Variants in KANSL1L observed in about 807,000 individuals in gnomAD.
KANSL1L encodes the protein KAT8 regulatory NSL complex subunit 1 like.
Under a neutral mutation model 108.6 loss-of-function variants are expected in KANSL1L, and 25 were observed. The ratio of observed to expected loss-of-function variants is 0.23; its 90% confidence interval spans 0.17 to 0.32. The LOEUF (loss-of-function observed/expected upper bound fraction) is 0.32. KANSL1L is among the 10% of genes least tolerant of loss of function. The probability of loss-of-function intolerance (pLI) is 1.00; values close to 1 mark genes in which losing one functional copy is unlikely to be tolerated. For synonymous variants in KANSL1L, 405 were observed against 395.1 expected, an observed-to-expected ratio of 1.03 and a Z score of -0.30; for missense variants, 1,137 against 1,125.7, an observed-to-expected ratio of 1.01 and a Z score of -0.14.
intron 12 of KANSL1L, among the ~76,000 whole-genome samples, chr2:210,026,748 TAAAC>T (rs755443121): frequency 6.6e-6 from 1 of 152,176 alleles, no homozygotes. Context: ...CAAAAACTCA[TAAAC>T]AAATGCTATA....
chr2:210,138,098 G>A (rs2095191123), intron 2 of KANSL1L, among the ~76,000 whole-genome samples: 1 of 151,860 alleles, frequency 6.6e-6, no homozygotes, highest in Non-Finnish European at 1.5e-5. Flanking sequence ...ATAAAAATGT[G>A]CATTTTGGAA....
chr2:210,037,045 C>T (rs956553085), intron 8 of KANSL1L, among the ~76,000 whole-genome samples: 23 of 152,140 alleles, frequency 1.5e-4, no homozygotes, highest in Admixed American at 1.2e-3. Context: ...TGTGGGCCAC[C>T]GCACCTGACC....
chr2:210,167,132 C>A (rs1688033497), intron 1 of KANSL1L, among the ~76,000 whole-genome samples: 1 of 151,868 alleles, frequency 6.6e-6, no homozygotes, highest in Non-Finnish European at 1.5e-5. Flanking sequence ...CACACTGGTA[C>A]AGTTTTATTC....
intron 6 of KANSL1L, among the ~76,000 whole-genome samples, chr2:210,056,581 A>G (rs1408200257): frequency 6.6e-6 from 1 of 152,058 alleles, no homozygotes; most frequent in African/African-American, 2.4e-5. Flanking sequence ...CCCTGGTTCA[A>G]GCAATTCTTG....
intron 5 of KANSL1L, among the ~76,000 whole-genome samples, chr2:210,082,281 T>A (rs561583715): frequency 6.6e-6 from 1 of 152,342 alleles, no homozygotes; most frequent in African/African-American, 2.4e-5. Flanking sequence ...TACAACATGA[T>A]AGATGACTGC....
Position 210,085,841 on chromosome 2 carries a change from T to C in KANSL1L, c.1551-10085A>G, listed in dbSNP as rs572268023. On this transcript the variant is annotated intron_variant, in intron 5 of 14. Coordinates refer to ENST00000281772, the MANE Select transcript of KANSL1L (RefSeq NM_152519.4). ...CACAATTTATTAATATATTCACTTA[T>C]ATAATATTAGGTTTTAGGCTTATAT... Among the ~76,000 whole-genome samples, 244 of 150,904 alleles carry C rather than the reference T, an allele frequency of 1.6e-3. 4 individuals carry two copies. In the Middle Eastern group the frequency reaches 0.025, roughly 15 times the overall value.
At chr2:210,104,956 TG>T (rs2094831663) in intron 3 of KANSL1L, among the ~76,000 whole-genome samples, 2 of 152,100 alleles carry the variant, frequency 1.3e-5, no homozygotes, top group African/African-American at 4.8e-5. Context: ...TATTCTGAAA[TG>T]TAAGGAACTG....
chr2:210,023,212 ACT>A, intron 14 of KANSL1L, 33 bp from the exon 15 acceptor site: 1 of 1,487,946 alleles, frequency 6.7e-7, no homozygotes, highest in Non-Finnish European at 9.4e-7. Flanking sequence ...TTAAGTTTCA[ACT>A]AACTTGTTTT....
chr2:210,123,663 T>C (rs971240353), intron 3 of KANSL1L, among the ~76,000 whole-genome samples: 2 of 152,006 alleles, frequency 1.3e-5, no homozygotes, highest in African/African-American at 2.4e-5. Context: ...TAAAAATAAT[T>C]AAGAGTATAA....
intron 3 of KANSL1L, among the ~76,000 whole-genome samples, chr2:210,117,292 A>G (rs1559571473): frequency 6.6e-6 from 1 of 152,194 alleles, no homozygotes; most frequent in African/African-American, 2.4e-5. Context: ...ACTGGCCTTT[A>G]AGGGGAGGAA....
At chr2:210,162,358 G>A (rs910068237) in intron 1 of KANSL1L, among the ~76,000 whole-genome samples, 4 of 151,332 alleles carry the variant, frequency 2.6e-5, no homozygotes, top group African/African-American at 9.7e-5. Flanking sequence ...TGACTCCTAG[G>A]TTTTTAGCTT....
chr2:210,131,645 T>C (rs1415571153), intron 2 of KANSL1L, among the ~76,000 whole-genome samples: 1 of 152,018 alleles, frequency 6.6e-6, no homozygotes, highest in African/African-American at 2.4e-5. Context: ...AAAATAGCAA[T>C]ACCAGATTAA....
At chr2:210,095,745 T>G (rs920525725) in intron 5 of KANSL1L, among the ~76,000 whole-genome samples, 8 of 152,154 alleles carry the variant, frequency 5.3e-5, no homozygotes, top group Non-Finnish European at 8.8e-5. Context: ...AATTATGCAT[T>G]TTAGATAACT....
intron 6 of KANSL1L, among the ~76,000 whole-genome samples, chr2:210,056,669 T>C (rs1426610949): frequency 2.0e-5 from 3 of 152,072 alleles, no homozygotes; most frequent in Non-Finnish European, 2.9e-5. Context: ...TTAGTAGAGA[T>C]AGAGTTTCAC....
intron 6 of KANSL1L, among the ~76,000 whole-genome samples, chr2:210,074,934 G>A (rs2094532066): frequency 6.6e-6 from 1 of 152,026 alleles, no homozygotes; most frequent in South Asian, 2.1e-4. Flanking sequence ...CATCACAGCT[G>A]GTTTAGAAGT....
chr2:210,144,338 C>A (rs2095250919), intron 2 of KANSL1L, among the ~76,000 whole-genome samples: 1 of 152,064 alleles, frequency 6.6e-6, no homozygotes, highest in Non-Finnish European at 1.5e-5. Flanking sequence ...TCTCCTTTAC[C>A]CCGATGTGAC....
At chr2:210,063,470 C>A (rs1479645846) in intron 6 of KANSL1L, among the ~76,000 whole-genome samples, 2 of 152,050 alleles carry the variant, frequency 1.3e-5, no homozygotes, top group Non-Finnish European at 2.9e-5. Flanking sequence ...ACTGTGTGCC[C>A]GGAAAAGCTG....
intron 8 of KANSL1L, among the ~76,000 whole-genome samples, chr2:210,031,841 G>A (rs1373690345): frequency 3.3e-5 from 5 of 152,040 alleles, no homozygotes; most frequent in African/African-American, 4.8e-5. Flanking sequence ...AAATCTTGGC[G>A]ATCAGAATCT....
chr2:210,087,398 A>C (rs1254251155), intron 5 of KANSL1L, among the ~76,000 whole-genome samples: 4 of 152,154 alleles, frequency 2.6e-5, no homozygotes, highest in African/African-American at 9.7e-5. Context: ...CATCTATGTC[A>C]TCTATCACAT....
Sources: allele counts gnomAD v4.1 joint callset (sites outside exome capture counted in the v4.1 genomes callset), GRCh38; gene constraint gnomAD v4.1.1; transcripts MANE v1.5; gene names NCBI Gene and HGNC (gene_info 2026-07-23, HGNC 2026-07-21).